Variants in SEMA3A observed in about 807,000 individuals in gnomAD.
The protein encoded by SEMA3A is semaphorin-3A.
A neutral mutation model predicts 97.9 loss-of-function variants in SEMA3A; 29 were observed. The observed-to-expected ratio is 0.30, with a 90% CI of 0.22 to 0.40. The LOEUF (loss-of-function observed/expected upper bound fraction) is 0.40, where lower values mean the gene tolerates loss of function less well. Among genes scored for constraint, SEMA3A ranks in the 10% least tolerant of loss-of-function variants. The pLI is 1.00. For missense variants in SEMA3A, 763 were observed against 951.3 expected, an observed-to-expected ratio of 0.80 and a Z score of 2.60; for synonymous variants, 321 against 323.7, an observed-to-expected ratio of 0.99 and a Z score of 0.09.
intron 4 of SEMA3A, among the ~76,000 whole-genome samples, chr7:84,093,111 A>G (rs1794647755): frequency 1.3e-5 from 2 of 152,174 alleles, no homozygotes; most frequent in African/African-American, 4.8e-5. Context: ...GTGTTATTTA[A>G]GAATTCAAAC....
At chr7:84,024,679 T>C (rs1706953361) in intron 6 of SEMA3A, among the ~76,000 whole-genome samples, 1 of 152,236 alleles carries the variant, frequency 6.6e-6, no homozygotes, top group Admixed American at 6.5e-5. Context: ...TACATCTATC[T>C]ATCTGCCAAT....
At chr7:84,229,361 A>T (rs959375073) in intron 3 of SEMA3A, among the ~76,000 whole-genome samples, 1 of 152,142 alleles carries the variant, frequency 6.6e-6, no homozygotes, top group Non-Finnish European at 1.5e-5. Context: ...TTTCATACAT[A>T]GAGTGAGTGA....
At chr7:84,453,324 C>CT (rs1805608468) in intron 1 of SEMA3A, among the ~76,000 whole-genome samples, 1 of 151,290 alleles carries the variant, frequency 6.6e-6, no homozygotes, top group African/African-American at 2.4e-5. Context: ...CAGGCTCCGC[C>CT]CCCTGGGGTT....
At chr7:84,423,716 C>A (rs1050975654) in intron 1 of SEMA3A, among the ~76,000 whole-genome samples, 3 of 151,904 alleles carry the variant, frequency 2.0e-5, no homozygotes, top group African/African-American at 7.2e-5. Flanking sequence ...CCCTAGTTAG[C>A]AGAAAATGTA....
intron 3 of SEMA3A, among the ~76,000 whole-genome samples, chr7:84,297,166 G>A (rs924877070): frequency 8.6e-5 from 13 of 151,936 alleles, no homozygotes; most frequent in East Asian, 3.9e-4. Flanking sequence ...TAGTAGAGAC[G>A]GAGTTTCACT....
At chr7:84,032,513 A>G (rs748194554) in intron 6 of SEMA3A, among the ~76,000 whole-genome samples, 1 of 152,284 alleles carries the variant, frequency 6.6e-6, no homozygotes, top group Middle Eastern at 3.4e-3. Context: ...TGTTCAGAAG[A>G]GACAATAATA....
At chr7:83,965,645 TATATATATATA>T (rs1788647274) in intron 15 of SEMA3A, among the ~76,000 whole-genome samples, 2 of 10,038 alleles carry the variant, frequency 2.0e-4, no homozygotes, top group East Asian at 2.5e-3. Context: ...TATATATATA[TATATATATATA>T]TATATATATA....
chr7:84,005,631 A>C, intron 10 of SEMA3A, 73 bp from the exon 11 acceptor site: 2 of 992,268 alleles, frequency 2.0e-6, no homozygotes, highest in Non-Finnish European at 3.0e-6. Context: ...ATAATAACAC[A>C]TGGCCTCAAT....
intron 1 of SEMA3A, among the ~76,000 whole-genome samples, chr7:84,194,035 A>T (rs955433579): frequency 5.9e-5 from 9 of 152,172 alleles, no homozygotes; most frequent in Admixed American, 5.9e-4. Context: ...AATATTCATG[A>T]TGACGATTAA....
At chr7:84,086,656 A>G (rs62477284) in intron 4 of SEMA3A, among the ~76,000 whole-genome samples, 59,259 of 143,234 alleles carry the variant, frequency 0.41, 14,260 homozygotes, top group Admixed American at 0.52. Flanking sequence ...TCCAGAGGGC[A>G]CAACTCATAT....
chr7:84,487,282 G>A (rs1806599829), intron 1 of SEMA3A, among the ~76,000 whole-genome samples: 1 of 152,084 alleles, frequency 6.6e-6, no homozygotes, highest in Admixed American at 6.6e-5. Context: ...AGCCCCCCAT[G>A]CAAAGGGAAG....
chr7:84,480,898 TAAAA>T, intron 1 of SEMA3A, among the ~76,000 whole-genome samples: 1 of 151,894 alleles, frequency 6.6e-6, no homozygotes, highest in African/African-American at 2.4e-5. Flanking sequence ...AAAAATAAAA[TAAAA>T]TAAATAAATA....
intron 1 of SEMA3A, among the ~76,000 whole-genome samples, chr7:84,187,859 A>G (rs926594581): frequency 1.2e-4 from 19 of 152,144 alleles, no homozygotes; most frequent in African/African-American, 4.3e-4. Flanking sequence ...AAGATGAAAA[A>G]TACTACATAC....
chr7:84,063,983 T>G (rs1793368428), intron 4 of SEMA3A, among the ~76,000 whole-genome samples: 1 of 150,614 alleles, frequency 6.6e-6, no homozygotes, highest in African/African-American at 2.5e-5. Context: ...TCACCAAAGT[T>G]GAAATGAAGG....
chr7:84,451,265 G>A (rs534652460), intron 1 of SEMA3A, among the ~76,000 whole-genome samples: 1 of 152,246 alleles, frequency 6.6e-6, no homozygotes, highest in South Asian at 2.1e-4. Context: ...GAAAAAAAAT[G>A]TGTACACATA....
At position 84,287,091 on chromosome 7, in the gene SEMA3A, G is replaced by C. The variant is rs375025744; in HGVS notation, c.-83+20116C>G. On this transcript the variant is annotated intron_variant, in intron 3 of 3. Transcript: ENST00000424555. ...ATCTCTTGATGAAAGTAAAAATAAA[G>C]TTTGCATTACCTTAGTTTATTATTA... 5.9e-5 allele frequency among the ~76,000 whole-genome samples: 9 copies of C among 152,052 alleles called. 1 individual carries two copies. Among genetic ancestry groups the C allele is most frequent in the Admixed American group, 1.3e-4 (2 of 15,246 alleles).
intron 2 of SEMA3A, among the ~76,000 whole-genome samples, chr7:84,321,076 T>C (rs1801631497): frequency 6.6e-6 from 1 of 152,182 alleles, no homozygotes; most frequent in Admixed American, 6.5e-5. Context: ...ACAAGTTTGA[T>C]TACAATCACA....
At chr7:83,997,227 C>T (rs955332976) in intron 12 of SEMA3A, among the ~76,000 whole-genome samples, 7 of 152,282 alleles carry the variant, frequency 4.6e-5, no homozygotes, top group African/African-American at 1.7e-4. Context: ...ACTACCATGA[C>T]CCTAAATCTT....
chr7:84,007,235 T>C (rs1243004720), intron 10 of SEMA3A, 118 bp downstream of exon 10: 1 of 773,742 alleles, frequency 1.3e-6, no homozygotes, highest in Non-Finnish European at 1.9e-6. Context: ...TAATTTATAA[T>C]CTTGAAATCT....
Sources: gnomAD v4.1 joint callset for allele counts (sites outside exome capture counted in the v4.1 genomes callset) on GRCh38, gnomAD v4.1.1 for gene constraint, MANE v1.5 for transcripts, NCBI Gene and HGNC (gene_info 2026-07-23, HGNC 2026-07-21) for gene names.